Variants in GRIA4 observed in about 807,000 individuals in gnomAD.
The protein encoded by GRIA4 is glutamate ionotropic receptor AMPA type subunit 4.
Under a neutral mutation model 104.0 loss-of-function variants are expected in GRIA4, and 34 were observed. The ratio of observed to expected loss-of-function variants is 0.33; its 90% CI spans 0.25 to 0.44. GRIA4 has a LOEUF of 0.44. Ranked by LOEUF, GRIA4 falls within the 20% of genes least tolerant of loss-of-function variation. The pLI, the probability that GRIA4 is intolerant of heterozygous loss-of-function variation, is 1.00. For missense variants in GRIA4, 750 were observed against 1,096.5 expected, an observed-to-expected ratio of 0.68 and a Z score of 4.46; for synonymous variants, 386 against 381.9, an observed-to-expected ratio of 1.01 and a Z score of -0.13.
At chr11:105,919,698 G>A (rs1336080285) in intron 11 of GRIA4, among the ~76,000 whole-genome samples, 13 of 152,068 alleles carry the variant, frequency 8.5e-5, no homozygotes, top group Admixed American at 6.6e-5. Context: ...AAATCAAACT[G>A]GCAATTATCA....
chr11:105,725,147 A>T (rs115782801), intron 3 of GRIA4, among the ~76,000 whole-genome samples: 1,786 of 152,280 alleles, frequency 0.012, 17 homozygotes, highest in African/African-American at 0.019. Flanking sequence ...AGAATAATTA[A>T]ATATATAGAA....
chr11:105,808,494 C>A (rs1489847108), intron 4 of GRIA4, among the ~76,000 whole-genome samples: 1 of 151,898 alleles, frequency 6.6e-6, no homozygotes, highest in East Asian at 1.9e-4. Flanking sequence ...ATTATTGTGG[C>A]TTGATCTAAA....
intron 3 of GRIA4, among the ~76,000 whole-genome samples, chr11:105,634,076 T>G (rs1314873033): frequency 6.6e-6 from 1 of 151,998 alleles, no homozygotes; most frequent in African/African-American, 2.4e-5. Flanking sequence ...TGGCCAGGCA[T>G]GGTGGCTCAT....
chr11:105,895,269 G>GTGTGTT lies in GRIA4; in HGVS notation c.727-2995_727-2994insTTGTGT, dbSNP rs1446718338. Among the ~76,000 whole-genome samples, 19 of 151,896 alleles carry GTGTGTT rather than the reference G, an allele frequency of 1.3e-4. No individual in the cohort carries two copies. In the South Asian group the frequency reaches 1.7e-3, roughly 13 times the overall value. ...AGCTCATGCGTGTGTGTGTGTGTGT[G>GTGTGTT]TGTGTGTGTGTATGTGATTTACTTT... On this transcript the variant is annotated intron_variant, in intron 6 of 16. Transcript: ENST00000282499.
intron 3 of GRIA4, among the ~76,000 whole-genome samples, chr11:105,697,423 A>G (rs1953321749): frequency 6.6e-6 from 1 of 152,200 alleles, no homozygotes; most frequent in Admixed American, 6.5e-5. Flanking sequence ...ATAGGCCTGA[A>G]AAGAGCCTGA....
rs34715406 is a variant in GRIA4, at chr11:105,662,007, T to TTGTGTGTGTG, written c.247+49582_247+49591dup. On this transcript the variant is annotated intron_variant, in intron 3 of 16. Transcript: ENST00000282499. ...TGAAGAAAACTGTGTGTGTGTGTGTTTGTGTGTGTGTGTGTGTGCACATCA... is the reference window on the plus strand; with the variant it reads ...TGAAGAAAACTGTGTGTGTGTGTGTTTGTGTGTGTGTGTGTGTGTGTGTGTGTGCACATCA... Among the ~76,000 whole-genome samples, 1,131 of 149,920 alleles carry TTGTGTGTGTG rather than the reference T, an allele frequency of 7.5e-3. 9 individuals carry two copies. Among genetic ancestry groups the TTGTGTGTGTG allele is most frequent in the East Asian group, 0.027 (139 of 5,070 alleles).
chr11:105,644,163 A>C (rs952230306), intron 3 of GRIA4, among the ~76,000 whole-genome samples: 1 of 152,204 alleles, frequency 6.6e-6, no homozygotes, highest in Non-Finnish European at 1.5e-5. Flanking sequence ...GGAGAAAAAA[A>C]ATGTGTGGTG....
At chr11:105,783,777 T>TGTGTGC (rs1193113519) in intron 4 of GRIA4, among the ~76,000 whole-genome samples, 14 of 151,498 alleles carry the variant, frequency 9.2e-5, no homozygotes, top group Admixed American at 9.2e-4. Context: ...TGTGTGTGTG[T>TGTGTGC]GTGTGTGTGT....
At chr11:105,868,338 G>C (rs1945500574) in intron 5 of GRIA4, among the ~76,000 whole-genome samples, 2 of 152,156 alleles carry the variant, frequency 1.3e-5, no homozygotes, top group Non-Finnish European at 2.9e-5. Flanking sequence ...AGTAGACAAA[G>C]TTGAAGCTGT....
At chr11:105,842,745 C>T (rs548977243) in intron 4 of GRIA4, 20 of 152,108 alleles carry the variant, frequency 1.3e-4, no homozygotes, top group African/African-American at 4.8e-4. Context: ...GAAAGCAATA[C>T]GATACAATAA....
At chr11:105,976,180 T>A (rs1001556058) in intron 16 of GRIA4, among the ~76,000 whole-genome samples, 5 of 152,050 alleles carry the variant, frequency 3.3e-5, no homozygotes, top group African/African-American at 9.7e-5. Context: ...CCTTACTAGA[T>A]TTTGTTAACA....
At chr11:105,897,445 T>A (rs1422974179) in intron 6 of GRIA4, among the ~76,000 whole-genome samples, 2 of 152,080 alleles carry the variant, frequency 1.3e-5, no homozygotes, top group Admixed American at 1.3e-4. Context: ...AGGTACTATG[T>A]TAAATACGAG....
At chr11:105,723,042 A>G (rs1420539432) in intron 3 of GRIA4, among the ~76,000 whole-genome samples, 1 of 152,106 alleles carries the variant, frequency 6.6e-6, no homozygotes, top group Non-Finnish European at 1.5e-5. Context: ...AATTCTAGGA[A>G]GAACACAACT....
At chr11:105,869,162 C>T (rs568070674) in intron 5 of GRIA4, among the ~76,000 whole-genome samples, 1 of 151,986 alleles carries the variant, frequency 6.6e-6, no homozygotes, top group African/African-American at 2.4e-5. Flanking sequence ...AAATAAAAGG[C>T]AAAGTGAAGG....
At chr11:105,740,868 G>A (rs777206640) in intron 3 of GRIA4, among the ~76,000 whole-genome samples, 8 of 152,270 alleles carry the variant, frequency 5.3e-5, no homozygotes, top group Non-Finnish European at 1.0e-4. Context: ...TGTTAGGTGA[G>A]TTTAGTAAAG....
At chr11:105,816,796 G>C (rs1001818115) in intron 4 of GRIA4, among the ~76,000 whole-genome samples, 2 of 152,064 alleles carry the variant, frequency 1.3e-5, no homozygotes, top group Non-Finnish European at 2.9e-5. Flanking sequence ...AGAATCACTT[G>C]AGGCCAGGAA....
chr11:105,931,868 CT>C (rs1947885990), intron 13 of GRIA4, among the ~76,000 whole-genome samples: 1 of 152,056 alleles, frequency 6.6e-6, no homozygotes, highest in African/African-American at 2.4e-5. Context: ...TCATTTATTT[CT>C]TTGTCCACCT....
At chr11:105,651,593 T>C (rs1442839301) in intron 3 of GRIA4, among the ~76,000 whole-genome samples, 1 of 152,176 alleles carries the variant, frequency 6.6e-6, no homozygotes, top group African/African-American at 2.4e-5. Context: ...AATGAAGACC[T>C]ATCTTTTGGC....
chr11:105,730,897 A>G (rs191677322), intron 3 of GRIA4, among the ~76,000 whole-genome samples: 1 of 152,336 alleles, frequency 6.6e-6, no homozygotes, highest in African/African-American at 2.4e-5. Flanking sequence ...TTAAAAATTT[A>G]AATGTAAGAC....
Sources: allele counts gnomAD v4.1 joint callset (sites outside exome capture counted in the v4.1 genomes callset), GRCh38; gene constraint gnomAD v4.1.1; transcripts MANE v1.5; gene names NCBI Gene and HGNC (gene_info 2026-07-23, HGNC 2026-07-21).